The following CNTNAP2 variants were observed in gnomAD, a reference collection of about 807,000 sequenced individuals.
The protein encoded by CNTNAP2 is contactin associated protein 2, also known as contactin-associated protein-like 2.
In CNTNAP2, 98 loss-of-function variants were observed where a neutral mutation model predicts 155.2. The observed-to-expected ratio is 0.63, with a 90% CI of 0.54 to 0.75. The LOEUF (loss-of-function observed/expected upper bound fraction) is 0.75. CNTNAP2 is among the 30% of genes least tolerant of loss of function. CNTNAP2 has a pLI of 0.00. For missense variants in CNTNAP2, 1,727 were observed against 1,688.1 expected (o/e 1.02, Z -0.40); for synonymous variants, 651 against 631.2 (o/e 1.03, Z -0.47).
chr7:146,959,222 A>G (rs942056792), intron 3 of CNTNAP2, among the ~76,000 whole-genome samples: 1 of 151,368 alleles, frequency 6.6e-6, no homozygotes, highest in African/African-American at 2.4e-5. Context: ...GTTTCACCAT[A>G]TTGGCCAGGC....
chr7:147,113,764 AT>A (rs1264077082), intron 5 of CNTNAP2, among the ~76,000 whole-genome samples: 7 of 152,090 alleles, frequency 4.6e-5, no homozygotes, highest in African/African-American at 1.7e-4. Flanking sequence ...CAGCTCCAGG[AT>A]TTATTGATTT....
At chr7:148,162,468 G>T (rs1027455165) in intron 17 of CNTNAP2, among the ~76,000 whole-genome samples, 1 of 152,224 alleles carries the variant, frequency 6.6e-6, no homozygotes, top group African/African-American at 2.4e-5. Flanking sequence ...GTCAGACTGA[G>T]CTTAGGGAAA....
chr7:146,998,926 T>C (rs1409427828), intron 3 of CNTNAP2, among the ~76,000 whole-genome samples: 3 of 151,980 alleles, frequency 2.0e-5, no homozygotes, highest in Non-Finnish European at 2.9e-5. Context: ...TTTCAACATA[T>C]AATTGAGTCA....
chr7:147,079,104 A>G (rs752922994), intron 4 of CNTNAP2, among the ~76,000 whole-genome samples: 2 of 152,184 alleles, frequency 1.3e-5, no homozygotes, highest in Non-Finnish European at 2.9e-5. Context: ...ACTCTGTAAT[A>G]TAACATAACT....
At chr7:147,358,632 C>A (rs2116891500) in intron 9 of CNTNAP2, among the ~76,000 whole-genome samples, 2 of 151,968 alleles carry the variant, frequency 1.3e-5, no homozygotes, top group Admixed American at 1.3e-4. Flanking sequence ...TTCCAGACTT[C>A]AACCTTAATA....
chr7:147,522,497 T>C (rs976154386), intron 11 of CNTNAP2, among the ~76,000 whole-genome samples: 1 of 152,098 alleles, frequency 6.6e-6, no homozygotes, highest in African/African-American at 2.4e-5. Context: ...ATGTAATATT[T>C]AGAATTATTA....
intron 11 of CNTNAP2, among the ~76,000 whole-genome samples, chr7:147,550,280 CAT>C (rs1456980472): frequency 4.6e-5 from 7 of 152,098 alleles, no homozygotes; most frequent in Non-Finnish European, 8.8e-5. Context: ...TAATAATCCC[CAT>C]ATGTCAAGGG....
chr7:148,361,090 G>A (rs1798610880), intron 21 of CNTNAP2, among the ~76,000 whole-genome samples: 1 of 152,194 alleles, frequency 6.6e-6, no homozygotes, highest in African/African-American at 2.4e-5. Flanking sequence ...TTACAGGCAT[G>A]AGCCACCATG....
At chr7:146,689,713 G>A (rs10242098) in intron 1 of CNTNAP2, among the ~76,000 whole-genome samples, 2 of 152,228 alleles carry the variant, frequency 1.3e-5, no homozygotes, top group Non-Finnish European at 2.9e-5. Context: ...ATAAAAAGCT[G>A]CAGTTGTGAG....
intron 1 of CNTNAP2, among the ~76,000 whole-genome samples, chr7:146,120,271 A>G (rs1279131818): frequency 6.6e-6 from 1 of 152,176 alleles, no homozygotes; most frequent in African/African-American, 2.4e-5. Context: ...AAAACAATTT[A>G]AACTTAAAAG....
chr7:147,132,379 C>T lies in CNTNAP2; in HGVS notation c.1218C>T (p.Pro406=). ...GTTTCCAGTTTAGGACATGGAACCC[C>T]AATGGTCTCCTGGTCTTCAGTCACT... ...SVSFQFRTWN[P]NGLLVFSHFA... The change falls in exon 8 of 24, where the codon CCC becomes CCT. Residue 406 remains proline, a synonymous_variant. Coordinates refer to ENST00000361727, the MANE Select transcript of CNTNAP2 (RefSeq NM_014141.6). The T allele has an allele frequency of 1.2e-6, 2 of 1,613,622 alleles. No homozygotes were observed. The highest frequency in any genetic ancestry group is 1.1e-5 in the South Asian group (1 of 91,078).
intron 1 of CNTNAP2, among the ~76,000 whole-genome samples, chr7:146,231,945 AT>A (rs767939863): frequency 2.0e-5 from 3 of 151,960 alleles, no homozygotes; most frequent in East Asian, 1.9e-4. Flanking sequence ...ATGCAAACAC[AT>A]TTTTTTTCTA....
chr7:148,245,832 G>A (rs950131796), intron 20 of CNTNAP2, among the ~76,000 whole-genome samples: 1 of 152,110 alleles, frequency 6.6e-6, no homozygotes, highest in Non-Finnish European at 1.5e-5. Flanking sequence ...CTCGTACAGG[G>A]CCGGGTCACA....
intron 13 of CNTNAP2, among the ~76,000 whole-genome samples, chr7:147,646,332 T>C (rs1795363363): frequency 6.6e-6 from 1 of 152,174 alleles, no homozygotes; most frequent in Admixed American, 6.5e-5. Flanking sequence ...ACATGCAAAG[T>C]GATGGCACTA....
intron 13 of CNTNAP2, among the ~76,000 whole-genome samples, chr7:147,802,412 G>A (rs1465442248): frequency 2.6e-5 from 4 of 152,130 alleles, no homozygotes; most frequent in Non-Finnish European, 4.4e-5. Flanking sequence ...CACTTTGGGA[G>A]GCCAAGGCAG....
intron 11 of CNTNAP2, among the ~76,000 whole-genome samples, chr7:147,490,599 C>T (rs891518358): frequency 4.6e-5 from 7 of 152,148 alleles, no homozygotes; most frequent in African/African-American, 1.2e-4. Context: ...GATTTATTGG[C>T]ACGAAGAAAC....
intron 1 of CNTNAP2, among the ~76,000 whole-genome samples, chr7:146,372,792 C>T (rs1213737423): frequency 1.3e-5 from 2 of 151,858 alleles, no homozygotes; most frequent in East Asian, 1.9e-4. Context: ...GCTAAGGATG[C>T]GAAGAGAGAG....
intron 1 of CNTNAP2, among the ~76,000 whole-genome samples, chr7:146,749,760 T>C (rs898062359): frequency 3.3e-5 from 5 of 152,216 alleles, no homozygotes; most frequent in African/African-American, 9.6e-5. Context: ...AATTTAAATA[T>C]AGAAGATGGA....
At chr7:147,364,352 T>C (rs1003489967) in intron 9 of CNTNAP2, among the ~76,000 whole-genome samples, 2 of 152,232 alleles carry the variant, frequency 1.3e-5, no homozygotes, top group African/African-American at 2.4e-5. Flanking sequence ...TAAGTATTTG[T>C]TCACATATCA....
Sources: gnomAD v4.1 joint callset for allele counts (sites outside exome capture counted in the v4.1 genomes callset) on GRCh38, gnomAD v4.1.1 for gene constraint, MANE v1.5 for transcripts, NCBI Gene and HGNC (gene_info 2026-07-23, HGNC 2026-07-21) for gene names.